The following DNAH7 variants were observed in gnomAD, a reference collection of about 807,000 sequenced individuals.
The protein encoded by DNAH7 is axonemal beta dynein heavy chain 7.
Under a neutral mutation model 444.6 loss-of-function variants are expected in DNAH7, and 397 were observed. That is an observed-to-expected ratio of 0.89 (90% CI 0.82 to 0.97). The LOEUF is 0.97. DNAH7 is among the 50% of genes least tolerant of loss of function. DNAH7 has a pLI of 0.00. For missense variants in DNAH7, 4,902 were observed against 4,800.8 expected (o/e 1.02, Z -0.62); for synonymous variants, 1,636 against 1,624.4 (o/e 1.01, Z -0.17).
intron 17 of DNAH7, among the ~76,000 whole-genome samples, chr2:195,966,621 T>C (rs1300647755): frequency 6.6e-6 from 1 of 152,190 alleles, no homozygotes; most frequent in Non-Finnish European, 1.5e-5. Flanking sequence ...TCTATATATC[T>C]GGGCACTCCA....
chr2:195,829,090 C>T (rs1264360089), intron 48 of DNAH7, among the ~76,000 whole-genome samples: 2 of 152,046 alleles, frequency 1.3e-5, no homozygotes, highest in African/African-American at 4.8e-5. Flanking sequence ...CTTTTTCTCA[C>T]TTTTTATTGT....
rs762002083 is a variant in DNAH7, at chr2:195,960,433, C to G, written c.2718G>C (p.Glu906Asp). The change falls in exon 18 of 65, where the codon GAG (glutamate) becomes GAC (aspartate). Residue 906 changes from glutamate to aspartate, a missense_variant. Coordinates refer to ENST00000312428, the MANE Select transcript of DNAH7 (RefSeq NM_018897.3). ...CTGCATCCCACTCAGTAATCATCTT[C>G]TCCATCGCCTTTTCAAGAGAATATT... ...SKEYSLEKAM[E>D]KMITEWDAVE... 1 of 1,614,098 alleles carries G rather than the reference C, an allele frequency of 6.2e-7. No homozygotes were observed. The highest frequency in any genetic ancestry group is 1.3e-5 in the African/African-American group (1 of 74,936).
intron 28 of DNAH7, among the ~76,000 whole-genome samples, chr2:195,898,077 C>T (rs78421041): frequency 0.039 from 5,946 of 152,228 alleles, 161 homozygotes; most frequent in East Asian, 0.1. Context: ...GTAGAGCTTG[C>T]TTGTTCTCTG....
chr2:195,826,344 G>C (rs1697745464), intron 48 of DNAH7, among the ~76,000 whole-genome samples: 1 of 152,102 alleles, frequency 6.6e-6, no homozygotes, highest in Admixed American at 6.6e-5. Context: ...CACCATGCTG[G>C]CACTGTATTT....
At chr2:196,033,542 A>G (rs1696194535) in intron 5 of DNAH7, among the ~76,000 whole-genome samples, 2 of 152,214 alleles carry the variant, frequency 1.3e-5, no homozygotes, top group Admixed American at 1.3e-4. Flanking sequence ...ATATGAGAAC[A>G]TGCATATTTG....
intron 63 of DNAH7, among the ~76,000 whole-genome samples, chr2:195,743,941 A>G (rs1693209865): frequency 6.6e-6 from 1 of 152,236 alleles, no homozygotes; most frequent in African/African-American, 2.4e-5. Flanking sequence ...ATGACACAGA[A>G]GACAGGTGAT....
In DNAH7 at chr2:196,048,319, C is replaced by T. The variant is rs772743764; in HGVS notation, c.227G>A (p.Ser76Asn). 5 of 1,613,632 alleles carry T rather than the reference C, an allele frequency of 3.1e-6. No individual in the cohort carries two copies. The Admixed American group carries it at 8.3e-5, about 27-fold the overall frequency. ...KQDDESPEPFSVKNEQSHAEY... is the reference protein window; with the variant it reads ...KQDDESPEPFNVKNEQSHAEY... ...ACCATGGGACTGTTCATTTTTAACA[C>T]TAAATGGTTCTGGACTCTCATCATC... The change falls in exon 4 of 65, where the codon AGT becomes AAT. Residue 76 changes from serine (S) to asparagine (N), a missense_variant. Ser to Asn is a conservative substitution (Grantham distance 46). Coordinates refer to ENST00000312428, the MANE Select transcript of DNAH7 (RefSeq NM_018897.3).
intron 34 of DNAH7, among the ~76,000 whole-genome samples, chr2:195,885,866 C>T (rs1701678821): frequency 6.6e-6 from 1 of 152,122 alleles, no homozygotes; most frequent in Non-Finnish European, 1.5e-5. Context: ...TGGATCATGT[C>T]TAAGGCTGGT....
chr2:195,964,289 C>G (rs945727666), intron 17 of DNAH7, among the ~76,000 whole-genome samples: 1 of 152,086 alleles, frequency 6.6e-6, no homozygotes. Flanking sequence ...ATGGAATATA[C>G]CTTTTTATGT....
At position 195,923,660 on chromosome 2, in the gene DNAH7, C is replaced by A. The variant is rs1179481550; in HGVS notation, c.3760G>T (p.Val1254Leu). 6.2e-7 allele frequency: 1 copy of A among 1,614,036 alleles called. No individual in the cohort carries two copies. Among genetic ancestry groups the A allele is most frequent in the African/African-American group, 1.3e-5 (1 of 75,012 alleles). Residue 1254 changes from valine (V) to leucine (L), a missense_variant, in exon 23 of 65, where the codon GTA becomes TTA. Transcript: ENST00000312428. ...VHARDVLSSLVKKNISDDSDF... is the reference protein window; with the variant it reads ...VHARDVLSSLLKKNISDDSDF... ...GAGTCATCGCTAATATTTTTTTTTA[C>A]AAGTGATGAGAGGACATCTCTAGCA...
chr2:195,953,508 G>T (rs1047326529), intron 19 of DNAH7, among the ~76,000 whole-genome samples: 1 of 152,204 alleles, frequency 6.6e-6, no homozygotes, highest in Admixed American at 6.5e-5. Context: ...AGGTAGGAAC[G>T]TTTAAGTCTG....
chr2:195,748,178 T>C (rs1271146695), intron 63 of DNAH7, among the ~76,000 whole-genome samples: 3 of 152,136 alleles, frequency 2.0e-5, no homozygotes, highest in African/African-American at 7.2e-5. Context: ...ACAAGCATTC[T>C]TATACACCAA....
intron 27 of DNAH7, chr2:195,903,218 A>G (rs1686811943): frequency 1.3e-5 from 2 of 152,032 alleles, no homozygotes; most frequent in African/African-American, 2.4e-5. Flanking sequence ...GCATGCTTTC[A>G]AAGGACTACA....
intron 10 of DNAH7, among the ~76,000 whole-genome samples, chr2:196,007,465 A>C (rs1207199938): frequency 6.6e-6 from 1 of 152,194 alleles, no homozygotes. Flanking sequence ...TAGGAGCTAC[A>C]ACTATAGAAT....
At position 195,972,386 on chromosome 2, in the gene DNAH7, G is replaced by T; in HGVS notation, c.1914C>A (p.Phe638Leu). 1.2e-6 allele frequency: 2 copies of T among 1,614,076 alleles called. No individual in the cohort carries two copies. Among genetic ancestry groups the T allele is most frequent in the Non-Finnish European group, 1.7e-6 (2 of 1,180,008 alleles). Reference sequence around the variant, plus strand: ...GAGAAAAGTTGACATACTCGATGAGGAAGGCGAGGCAGTTTTTGGAATCCA... The same window carrying T: ...GAGAAAAGTTGACATACTCGATGAGTAAGGCGAGGCAGTTTTTGGAATCCA... Reference protein sequence around the residue: ...RLVDSKNCLAFLIEYVNFSPA... With the variant: ...RLVDSKNCLALLIEYVNFSPA... Residue 638 changes from phenylalanine (F) to leucine (L), a missense_variant, in exon 16 of 65, where the codon TTC (phenylalanine) becomes TTA (leucine). By Grantham distance (22) the Phe-to-Leu change is conservative. Transcript: ENST00000312428.
intron 1 of DNAH7, among the ~76,000 whole-genome samples, chr2:196,060,258 G>A (rs1287270549): frequency 6.6e-6 from 1 of 151,996 alleles, no homozygotes; most frequent in Non-Finnish European, 1.5e-5. Flanking sequence ...AAAAAACTAC[G>A]TTTCCATTCA....
chr2:195,776,858 A>AT (rs1491417170), intron 59 of DNAH7, among the ~76,000 whole-genome samples: 3 of 148,358 alleles, frequency 2.0e-5, no homozygotes, highest in Non-Finnish European at 4.4e-5. Context: ...ACACACACAC[A>AT]TGGCAAAGGG....
At chr2:195,972,540 C>T (rs1439990258) in intron 15 of DNAH7, 74 bp from the exon 16 acceptor site, 2 of 1,114,572 alleles carry the variant, frequency 1.8e-6, no homozygotes, top group African/African-American at 1.5e-5. Flanking sequence ...CGGAAATACA[C>T]TGTATAACTA....
At chr2:195,980,814 A>G (rs189703988) in intron 15 of DNAH7, among the ~76,000 whole-genome samples, 2 of 138,864 alleles carry the variant, frequency 1.4e-5, no homozygotes, top group Non-Finnish European at 3.0e-5. Context: ...TTGCTTCATG[A>G]TAAAAAAAAA....
Sources: allele counts gnomAD v4.1 joint callset (sites outside exome capture counted in the v4.1 genomes callset), GRCh38; gene constraint gnomAD v4.1.1; transcripts MANE v1.5; gene names NCBI Gene and HGNC (gene_info 2026-07-23, HGNC 2026-07-21).